The following DNAH9 variants were observed in gnomAD, a reference collection of about 807,000 sequenced individuals.
The protein encoded by DNAH9 is DNAH9 variant protein.
Under a neutral mutation model 471.6 loss-of-function variants are expected in DNAH9, and 345 were observed. The observed-to-expected ratio is 0.73, with a 90% CI of 0.67 to 0.80. The LOEUF is 0.80. Ranked by LOEUF, DNAH9 falls within the 30% of genes least tolerant of loss-of-function variation. The probability of loss-of-function intolerance (pLI) is 0.00; values close to 1 mark genes in which losing one functional copy is unlikely to be tolerated. For synonymous variants in DNAH9, 2,093 were observed against 2,123.6 expected, an observed-to-expected ratio of 0.99 and a Z score of 0.40; for missense variants, 5,407 against 5,609.2, an observed-to-expected ratio of 0.96 and a Z score of 1.15.
At chr17:11,770,461 T>A (rs1212617782) in intron 38 of DNAH9, among the ~76,000 whole-genome samples, 1 of 152,128 alleles carries the variant, frequency 6.6e-6, no homozygotes, top group Non-Finnish European at 1.5e-5. Context: ...GAGCACCACC[T>A]CTGCTCTCTG....
chr17:11,908,015 T>C (rs144334705), intron 61 of DNAH9, among the ~76,000 whole-genome samples: 6 of 152,324 alleles, frequency 3.9e-5, no homozygotes, highest in Non-Finnish European at 8.8e-5. Flanking sequence ...TTAGATTCTG[T>C]ATGTGTCTGT....
chr17:11,734,411 TACTTTCTAAAA>T (rs1291183188), intron 28 of DNAH9, among the ~76,000 whole-genome samples: 1 of 152,204 alleles, frequency 6.6e-6, no homozygotes, highest in Non-Finnish European at 1.5e-5. Context: ...AGTGTATCGG[TACTTTCTAAAA>T]ACTTTCCACA....
chr17:11,784,311 C>T lies in DNAH9; in HGVS notation c.7833C>T (p.Ser2611=), dbSNP rs370257245. ...TINPRLQRHF[S]VFVLSFPGAD... ...TGTTTCCTGTACAGCGTCACTTCAG[C>T]GTGTTTGTCCTCTCCTTCCCGGGGG... The change falls in exon 41 of 69, where the codon AGC becomes AGT. Residue 2611 remains serine (S), a synonymous_variant. Transcript: ENST00000262442. The T allele has an allele frequency of 1.9e-5, 30 of 1,614,120 alleles. No individual in the cohort carries two copies. Among genetic ancestry groups the T allele is most frequent in the Non-Finnish European group, 2.2e-5 (26 of 1,179,996 alleles).
At chr17:11,762,790 T>TTTTTTTTTTTG (rs1967763980) in intron 35 of DNAH9, among the ~76,000 whole-genome samples, 1 of 138,646 alleles carries the variant, frequency 7.2e-6, no homozygotes. Context: ...TTTTTTTTTT[T>TTTTTTTTTTTG]TTTTTTTGAG....
chr17:11,794,318 T>G (rs1490117183), intron 42 of DNAH9, among the ~76,000 whole-genome samples: 1 of 152,140 alleles, frequency 6.6e-6, no homozygotes, highest in Non-Finnish European at 1.5e-5. Flanking sequence ...CGCCTCGGCC[T>G]CCCAAAGTGC....
chr17:11,824,905 TTCCTCC>T (rs1387318453), intron 48 of DNAH9, among the ~76,000 whole-genome samples: 4 of 150,974 alleles, frequency 2.6e-5, no homozygotes, highest in South Asian at 2.1e-4. Context: ...CCTTCTCCTC[TTCCTCC>T]TCCTCCTCCT....
intron 28 of DNAH9, among the ~76,000 whole-genome samples, chr17:11,735,409 AT>A (rs765152802): frequency 2.1e-4 from 32 of 150,146 alleles, no homozygotes; most frequent in East Asian, 1.2e-3. Flanking sequence ...ATAGCTTTCC[AT>A]TTTTTTTTGT....
chr17:11,797,333 C>T (rs1044110385), intron 42 of DNAH9, among the ~76,000 whole-genome samples: 4 of 152,144 alleles, frequency 2.6e-5, no homozygotes, highest in East Asian at 1.9e-4. Flanking sequence ...ACTCTCTTAC[C>T]GTGCTTGTGA....
intron 50 of DNAH9, 32 bp downstream of exon 50, chr17:11,854,460 G>C (rs1355903371): frequency 1.9e-6 from 3 of 1,580,416 alleles, no homozygotes; most frequent in Non-Finnish European, 2.6e-6. Flanking sequence ...CACCCTGCTA[G>C]TCCGCCTCCA....
chr17:11,618,237 T>C (rs998906273), intron 5 of DNAH9, among the ~76,000 whole-genome samples: 5 of 152,126 alleles, frequency 3.3e-5, no homozygotes, highest in African/African-American at 1.2e-4. Context: ...TCCTCCTTCT[T>C]AGGGACCCTT....
intron 1 of DNAH9, among the ~76,000 whole-genome samples, chr17:11,599,257 A>T (rs1398461477): frequency 6.6e-6 from 1 of 152,058 alleles, no homozygotes; most frequent in Non-Finnish European, 1.5e-5. Context: ...CATAATCTGA[A>T]GAGTGCCTAG....
Position 11,854,366 on chromosome 17 carries a change from A to G in DNAH9, c.9871A>G (p.Lys3291Glu). The G allele has an allele frequency of 1.2e-6, 2 of 1,614,072 alleles. No individual in the cohort carries two copies. The highest frequency in any genetic ancestry group is 1.7e-6 in the Non-Finnish European group (2 of 1,180,014). Residue 3291 changes from lysine to glutamate, a missense_variant, in exon 50 of 69, where the codon AAA becomes GAA. Around this residue, in one of 3 missense-constraint regions of DNAH9, gnomAD observed 4,636 missense variants for 4,900.3 expected, o/e 0.95. Coordinates refer to ENST00000262442, the MANE Select transcript of DNAH9 (RefSeq NM_001372.4). ...DVEPKRQALN[K>E]ATADLTAAQE... The stretch of plus-strand genomic sequence containing the variant: ...GGAACCCAAGCGCCAGGCACTGAAC[A>G]AAGCCACCGCGGACCTCACAGCTGC...
At chr17:11,696,974 T>G (rs2074488454) in intron 22 of DNAH9, among the ~76,000 whole-genome samples, 1 of 151,922 alleles carries the variant, frequency 6.6e-6, no homozygotes, top group Non-Finnish European at 1.5e-5. Flanking sequence ...TGCTCAAGGG[T>G]CCTCCCACCT....
rs1555558162 is a variant in DNAH9, at chr17:11,655,352, GT to G, written c.2595+2351del. ...TTTCATGGCTGAGTAGCATTCCATG[GT>G]GTGTGTGTGTGTGTGTGTGTGTGTG... On this transcript the variant is annotated intron_variant, in intron 14 of 68. Transcript: ENST00000262442. 0.019 allele frequency among the ~76,000 whole-genome samples: 67 copies of G among 3,612 alleles called. No individual in the cohort carries two copies. The Non-Finnish European group carries it at 0.29, about 15-fold the overall frequency. The allele number at this position is 3,612 out of a possible 152,430, so 2.4% of individuals were successfully genotyped here. A position where few individuals can be genotyped will look rare whatever the true frequency, so the allele number is the denominator to read the frequency against.
rs925221827 is a variant in DNAH9 at position 11,763,452 on chromosome 17, C to T, written c.7008C>T (p.Ile2336=). 1.7e-5 allele frequency: 27 copies of T among 1,613,822 alleles called. No individual in the cohort carries two copies. The highest frequency in any genetic ancestry group is 2.2e-5 in the Non-Finnish European group (26 of 1,179,910). ...TCTCTCTTTGCAGGTTTAAGAAGAT[C>T]ATTCCCATCCCAGAGCAGAGCATGG... ...LDTLRTRFKK[I]IPIPEQSMVQ... Residue 2336 remains isoleucine, a synonymous_variant, in exon 36 of 69, where the codon ATC becomes ATT. Transcript: ENST00000262442.
At chr17:11,781,294 T>C in intron 39 of DNAH9, 120 bp downstream of exon 39, 2 of 1,097,744 alleles carry the variant, frequency 1.8e-6, no homozygotes, top group Non-Finnish European at 2.5e-6. Context: ...CAGATGGGAA[T>C]CTTTGTGGTA....
At chr17:11,743,885 A>G (rs962729405) in intron 30 of DNAH9, among the ~76,000 whole-genome samples, 2 of 149,916 alleles carry the variant, frequency 1.3e-5, no homozygotes, top group African/African-American at 2.5e-5. Context: ...GGTGGAGTGC[A>G]GTGGCGTGAT....
chr17:11,834,508 C>A, intron 48 of DNAH9, 130 bp from the exon 49 acceptor site: 2 of 1,073,750 alleles, frequency 1.9e-6, no homozygotes, highest in Non-Finnish European at 2.7e-6. Flanking sequence ...ACCTTTGTAT[C>A]AGGAGCTGTC....
intron 1 of DNAH9, among the ~76,000 whole-genome samples, chr17:11,602,773 A>G (rs896364063): frequency 5.9e-5 from 9 of 152,142 alleles, no homozygotes; most frequent in African/African-American, 1.9e-4. Context: ...AGCCCCTCCC[A>G]TGGCCATTTC....
Sources: allele counts gnomAD v4.1 joint callset (sites outside exome capture counted in the v4.1 genomes callset), GRCh38; gene constraint gnomAD v4.1.1; regional missense constraint gnomAD v4.1.1; transcripts MANE v1.5; gene names NCBI Gene and HGNC (gene_info 2026-07-23, HGNC 2026-07-21).